The following STON1 variants were observed in gnomAD, a reference collection of about 807,000 sequenced individuals.
STON1 encodes the protein stonin 1.
STON1 carries 79 observed loss-of-function variants against 60.9 expected under a neutral mutation model. That is an observed-to-expected ratio of 1.30 (90% CI 1.08 to 1.56). The LOEUF is 1.56. Among genes scored for constraint, STON1 ranks in the 40% most tolerant of loss-of-function variants. The pLI, the probability that STON1 is intolerant of heterozygous loss-of-function variation, is 0.00. For missense variants in STON1, 1,166 were observed against 858.9 expected (o/e 1.36, Z -4.47); for synonymous variants, 363 against 306.9 (o/e 1.18, Z -1.91).
At chr2:48,548,324 T>C (rs1028600172) in intron 1 of STON1, among the ~76,000 whole-genome samples, 4 of 152,182 alleles carry the variant, frequency 2.6e-5, no homozygotes, top group Non-Finnish European at 5.9e-5. Flanking sequence ...TTTCCTTCCA[T>C]TCCACTTTTG....
chr2:48,568,274 C>G (rs6545049), intron 1 of STON1, among the ~76,000 whole-genome samples: 151,154 of 152,272 alleles, frequency 0.99, 75,025 homozygotes, highest in East Asian at 1. Flanking sequence ...CACATTGGGG[C>G]GTGCTTTTCC....
At chr2:48,567,993 A>T (rs1253919075) in intron 1 of STON1, among the ~76,000 whole-genome samples, 3 of 143,468 alleles carry the variant, frequency 2.1e-5, no homozygotes, top group African/African-American at 7.5e-5. Context: ...GACACACTGA[A>T]ATTAAGACAT....
At chr2:48,585,986 A>T (rs1183416221) in intron 2 of STON1, among the ~76,000 whole-genome samples, 4 of 152,254 alleles carry the variant, frequency 2.6e-5, no homozygotes, top group African/African-American at 9.6e-5. Context: ...TGTGAGAGGG[A>T]CAAGAGCACA....
At chr2:48,564,480 T>A (rs200469214) in intron 1 of STON1, among the ~76,000 whole-genome samples, 18 of 32,494 alleles carry the variant, frequency 5.5e-4, no homozygotes, top group African/African-American at 1.8e-3. Flanking sequence ...CTTCTTCTTC[T>A]TTCTTCTTCT....
At chr2:48,577,119 T>G (rs1673558482) in intron 1 of STON1, among the ~76,000 whole-genome samples, 1 of 152,156 alleles carries the variant, frequency 6.6e-6, no homozygotes, top group Non-Finnish European at 1.5e-5. Context: ...ATTCTTTATG[T>G]TACCTTTTTA....
intron 1 of STON1, among the ~76,000 whole-genome samples, chr2:48,541,909 A>G (rs559586150): frequency 2.0e-5 from 3 of 152,168 alleles, no homozygotes; most frequent in Non-Finnish European, 4.4e-5. Context: ...CAATGTTTTC[A>G]GTCCAGAAAA....
rs1673927564 is a variant in STON1, at chr2:48,582,186, A to G, written c.1553A>G (p.Lys518Arg). Reference sequence around the variant, plus strand: ...TGCCGGTTTGAGCTGATGCGTTTCAAGACTTTGTATAATGGGGATAATCTT... The same window carrying G: ...TGCCGGTTTGAGCTGATGCGTTTCAGGACTTTGTATAATGGGGATAATCTT... Reference protein sequence around the residue: ...DACRFELMRFKTLYNGDNLPF... With the variant: ...DACRFELMRFRTLYNGDNLPF... Residue 518 changes from lysine (K) to arginine (R), a missense_variant, in exon 2 of 4, where the codon AAG becomes AGG. By Grantham distance (26) the Lys-to-Arg change is conservative. Coordinates refer to ENST00000404752, the MANE Select transcript of STON1 (RefSeq NM_006873.4). 7.4e-6 allele frequency: 12 copies of G among 1,614,216 alleles called. No individual in the cohort carries two copies. The highest frequency in any genetic ancestry group is 1.0e-5 in the Non-Finnish European group (12 of 1,180,046).
intron 3 of STON1, among the ~76,000 whole-genome samples, chr2:48,593,096 C>T (rs1674616571): frequency 6.6e-6 from 1 of 152,052 alleles, no homozygotes; most frequent in African/African-American, 2.4e-5. Context: ...AATGGTGATG[C>T]ATCTTGCTGA....
At chr2:48,565,917 G>A (rs558740276) in intron 1 of STON1, among the ~76,000 whole-genome samples, 1 of 152,270 alleles carries the variant, frequency 6.6e-6, no homozygotes, top group Admixed American at 6.5e-5. Flanking sequence ...TCATAGAAAT[G>A]TCATGATAAT....
At chr2:48,589,221 T>C (rs1218379199) in intron 2 of STON1, among the ~76,000 whole-genome samples, 2 of 152,198 alleles carry the variant, frequency 1.3e-5, no homozygotes, top group African/African-American at 4.8e-5. Context: ...CCTTCGGCCC[T>C]CTAACAGTTC....
rs1289259605 is a variant in STON1 at position 48,597,979 on chromosome 2, T to C, written c.*2677T>C. On this transcript the variant is annotated 3_prime_UTR_variant, in exon 4 of 4. Coordinates refer to ENST00000404752, the MANE Select transcript of STON1 (RefSeq NM_006873.4). ...AGGAATGAGGGAGGAAATATTCCTT[T>C]CTAGCATTCATTTTGCTTAGATCAC... The C allele has an allele frequency of 6.6e-6, 1 of 152,194 alleles. No homozygotes were observed. Among genetic ancestry groups the C allele is most frequent in the African/African-American group, 2.4e-5 (1 of 41,450 alleles). 9.4% of individuals were successfully genotyped at this position (152,194 alleles called of 1,614,324 possible).
chr2:48,551,189 C>T (rs752616214), intron 1 of STON1, among the ~76,000 whole-genome samples: 1 of 152,054 alleles, frequency 6.6e-6, no homozygotes, highest in Non-Finnish European at 1.5e-5. Context: ...GTGTCAGGCA[C>T]CCTAGTTATG....
intron 1 of STON1, among the ~76,000 whole-genome samples, chr2:48,559,491 C>G (rs181199525): frequency 2.2e-4 from 33 of 152,226 alleles, no homozygotes; most frequent in Admixed American, 1.6e-3. Context: ...GCCCTTATGA[C>G]CTAATCACCT....
intron 1 of STON1, among the ~76,000 whole-genome samples, chr2:48,550,946 CTCTTTT>C (rs1186380063): frequency 6.6e-6 from 1 of 151,894 alleles, no homozygotes; most frequent in Admixed American, 6.6e-5. Context: ...TTGGCATTCA[CTCTTTT>C]TCTTTTCTTT....
intron 2 of STON1, among the ~76,000 whole-genome samples, chr2:48,583,840 C>T (rs560227242): frequency 1.8e-4 from 27 of 151,800 alleles, no homozygotes; most frequent in Admixed American, 5.9e-4. Context: ...CAACCTCCGC[C>T]TCTCGGGTTC....
chr2:48,545,581 C>A (rs550479161), intron 1 of STON1, among the ~76,000 whole-genome samples: 1 of 152,344 alleles, frequency 6.6e-6, no homozygotes, highest in East Asian at 1.9e-4. Context: ...AATCTCCTCA[C>A]CAGACAGGCG....
chr2:48,594,830 G>C (rs915066815), intron 3 of STON1, among the ~76,000 whole-genome samples: 1 of 152,114 alleles, frequency 6.6e-6, no homozygotes, highest in African/African-American at 2.4e-5. Flanking sequence ...AGATAATTTT[G>C]GGTGCATTAT....
intron 1 of STON1, among the ~76,000 whole-genome samples, chr2:48,573,378 T>C (rs1347712122): frequency 6.6e-6 from 1 of 152,158 alleles, no homozygotes; most frequent in Non-Finnish European, 1.5e-5. Flanking sequence ...ATGTATTTAG[T>C]GGTAATACAA....
chr2:48,541,715 A>C (rs1038072867), intron 1 of STON1, among the ~76,000 whole-genome samples: 2 of 151,040 alleles, frequency 1.3e-5, no homozygotes, highest in African/African-American at 4.9e-5. Flanking sequence ...AAAAAAAAAA[A>C]AAAAAAAACC....
Sources: gnomAD v4.1 joint callset for allele counts (sites outside exome capture counted in the v4.1 genomes callset) on GRCh38, gnomAD v4.1.1 for gene constraint, MANE v1.5 for transcripts, NCBI Gene and HGNC (gene_info 2026-07-23, HGNC 2026-07-21) for gene names.